Variants in ESRRG observed in about 807,000 individuals in gnomAD.
ESRRG encodes estrogen-related receptor gamma.
Under a neutral mutation model 44.0 loss-of-function variants are expected in ESRRG, and 13 were observed. The observed-to-expected ratio is 0.30, with a 90% confidence interval of 0.19 to 0.47. The LOEUF (loss-of-function observed/expected upper bound fraction) is 0.47, where lower values mean the gene tolerates loss of function less well. ESRRG is among the 20% of genes least tolerant of loss of function. ESRRG has a pLI of 1.00. For missense variants in ESRRG, 395 were observed against 580.6 expected, an observed-to-expected ratio of 0.68 and a Z score of 3.29; for synonymous variants, 215 against 214.6, an observed-to-expected ratio of 1.00 and a Z score of -0.02.
At position 216,504,771 on chromosome 1, in the gene ESRRG, A is replaced by T. The variant is rs767395561; in HGVS notation, c.*2168T>A. On this transcript the variant is annotated 3_prime_UTR_variant, in exon 7 of 7. Coordinates refer to ENST00000408911, the MANE Select transcript of ESRRG (RefSeq NM_001438.4). ...GCTATACATTGGTATTCTATAATAA[A>T]CCATTAGAGAAATTATTCCTTGTTT... is the stretch of plus-strand genomic sequence containing the variant. 3 of 152,608 alleles carry T rather than the reference A, an allele frequency of 2.0e-5. No individual in the cohort carries two copies. Among genetic ancestry groups the T allele is most frequent in the Non-Finnish European group, 4.4e-5 (3 of 68,016 alleles). 9.5% of individuals were successfully genotyped at this position (152,608 alleles called of 1,614,324 possible).
At chr1:216,651,963 C>A (rs1256631900) in intron 2 of ESRRG, among the ~76,000 whole-genome samples, 1 of 152,072 alleles carries the variant, frequency 6.6e-6, no homozygotes, top group East Asian at 1.9e-4. Context: ...CTGCCTACAG[C>A]TTTGTAAAGA....
At chr1:216,989,474 T>G (rs1457951318) in intron 1 of ESRRG, among the ~76,000 whole-genome samples, 1 of 151,262 alleles carries the variant, frequency 6.6e-6, no homozygotes, top group Non-Finnish European at 1.5e-5. Context: ...ATTTATAAAT[T>G]TATCTAATGT....
chr1:216,621,198 C>T (rs575180837), intron 3 of ESRRG, among the ~76,000 whole-genome samples: 2 of 152,220 alleles, frequency 1.3e-5, no homozygotes, highest in Non-Finnish European at 2.9e-5. Flanking sequence ...CTTGACCTAC[C>T]CTATCGAAAT....
upstream of ESRRG, chr1:216,723,577 G>A: frequency 2.2e-6 from 1 of 447,494 alleles, no homozygotes; most frequent in Non-Finnish European, 4.0e-6. Flanking sequence ...GAGGCTGCAC[G>A]GAGCGAGAGG....
chr1:216,536,732 G>A (rs1172038524), intron 5 of ESRRG, among the ~76,000 whole-genome samples: 5 of 151,978 alleles, frequency 3.3e-5, no homozygotes, highest in African/African-American at 9.7e-5. Context: ...AATTCACTGA[G>A]TACTAAATTC....
chr1:216,906,664 A>T (rs559838601), intron 2 of ESRRG, among the ~76,000 whole-genome samples: 1 of 152,354 alleles, frequency 6.6e-6, no homozygotes, highest in African/African-American at 2.4e-5. Context: ...CACACTAGTG[A>T]TTGACCTGAA....
intron 2 of ESRRG, among the ~76,000 whole-genome samples, chr1:216,898,924 C>A (rs1302017372): frequency 6.6e-6 from 1 of 152,134 alleles, no homozygotes; most frequent in Non-Finnish European, 1.5e-5. Flanking sequence ...GTAGGGAAGG[C>A]CACTGAGCCC....
At chr1:216,986,439 C>T (rs112848981) in intron 1 of ESRRG, among the ~76,000 whole-genome samples, 3,738 of 152,150 alleles carry the variant, frequency 0.025, 149 homozygotes, top group African/African-American at 0.084. Context: ...TTGAGGCCGG[C>T]ATGGTGGCTC....
chr1:216,799,534 A>T (rs2094559764), intron 2 of ESRRG, among the ~76,000 whole-genome samples: 1 of 152,136 alleles, frequency 6.6e-6, no homozygotes, highest in Non-Finnish European at 1.5e-5. Context: ...AGGTTAATCC[A>T]TACAAAAGAA....
chr1:216,875,614 A>G (rs1425509039), intron 2 of ESRRG, among the ~76,000 whole-genome samples: 1 of 152,094 alleles, frequency 6.6e-6, no homozygotes, highest in African/African-American at 2.4e-5. Flanking sequence ...GTATTCCTAT[A>G]TATGAATTCT....
At chr1:217,062,133 C>T (rs2088644649) in intron 1 of ESRRG, among the ~76,000 whole-genome samples, 1 of 152,080 alleles carries the variant, frequency 6.6e-6, no homozygotes, top group Admixed American at 6.5e-5. Context: ...AAGTTAAGTG[C>T]CAACTTAAAA....
chr1:217,027,881 C>A (rs1046178526), intron 1 of ESRRG, among the ~76,000 whole-genome samples: 3 of 152,176 alleles, frequency 2.0e-5, no homozygotes, highest in Admixed American at 2.0e-4. Context: ...TTAAGAGTAT[C>A]CCTTGTGCAT....
At chr1:216,927,738 T>C (rs970440462) in intron 2 of ESRRG, among the ~76,000 whole-genome samples, 2 of 152,142 alleles carry the variant, frequency 1.3e-5, no homozygotes, top group Non-Finnish European at 2.9e-5. Context: ...ACTGGTGCCA[T>C]ACTGGATGCT....
Position 216,525,126 on chromosome 1 carries a change from G to A in ESRRG, c.863-5705C>T, listed in dbSNP as rs554105213. On this transcript the variant is annotated intron_variant, in intron 5 of 6. Transcript: ENST00000408911. Reference sequence around the variant, plus strand: ...TGCTAGAAAAATTTAAAATACAATAGCAGCTAAGAAAAAATATTTCAAGTG... The same window carrying A: ...TGCTAGAAAAATTTAAAATACAATAACAGCTAAGAAAAAATATTTCAAGTG... 9.9e-5 allele frequency among the ~76,000 whole-genome samples: 15 copies of A among 152,230 alleles called. No individual in the cohort carries two copies. In the South Asian group the frequency reaches 2.7e-3, roughly 27 times the overall value.
chr1:216,685,493 A>T (rs865957571), intron 1 of ESRRG, among the ~76,000 whole-genome samples: 14 of 152,212 alleles, frequency 9.2e-5, no homozygotes, highest in African/African-American at 3.4e-4. Context: ...AGCACACCAA[A>T]GAGAACTCGA....
chr1:217,020,603 T>C (rs987702338), intron 1 of ESRRG, among the ~76,000 whole-genome samples: 4 of 152,054 alleles, frequency 2.6e-5, no homozygotes, highest in African/African-American at 9.7e-5. Flanking sequence ...TTACAGAGTT[T>C]AGAGGGCCTA....
Position 217,116,859 on chromosome 1 carries a change from G to C in ESRRG, c.-230+20808C>G, listed in dbSNP as rs534253670. ...GTTGGCAAGAATCTCTACTATTAAA[G>C]GATTGAGGATAAATTTAAACATTTA... On this transcript the variant is annotated intron_variant, in intron 1 of 8. Transcript: ENST00000366940. 5.9e-5 allele frequency among the ~76,000 whole-genome samples: 9 copies of C among 152,240 alleles called. No individual in the cohort carries two copies. In the South Asian group the frequency reaches 1.9e-3, roughly 32 times the overall value.
chr1:217,069,448 T>G (rs899512271), intron 1 of ESRRG, among the ~76,000 whole-genome samples: 7 of 151,056 alleles, frequency 4.6e-5, no homozygotes, highest in African/African-American at 1.7e-4. Context: ...TATACATATA[T>G]ATAGATAGCA....
chr1:216,904,658 G>C (rs1171101814), intron 2 of ESRRG, among the ~76,000 whole-genome samples: 4 of 152,148 alleles, frequency 2.6e-5, no homozygotes, highest in African/African-American at 7.2e-5. Flanking sequence ...TGTTCAACGA[G>C]AAGCCTGGAA....
Sources: gnomAD v4.1 joint callset for allele counts (sites outside exome capture counted in the v4.1 genomes callset) on GRCh38, gnomAD v4.1.1 for gene constraint, MANE v1.5 for transcripts, NCBI Gene and HGNC (gene_info 2026-07-23, HGNC 2026-07-21) for gene names.